Variants in UGT2B4 observed in about 807,000 individuals in gnomAD.
UGT2B4 encodes UDP-glucuronosyltransferase 2B4.
A neutral mutation model predicts 49.8 loss-of-function variants in UGT2B4; 49 were observed. That is an observed-to-expected ratio of 0.98 (90% confidence interval 0.78 to 1.25). UGT2B4 has a LOEUF of 1.25. UGT2B4 is among the 50% of genes most tolerant of loss of function. The probability of loss-of-function intolerance (pLI) is 0.00; values close to 1 mark genes in which losing one functional copy is unlikely to be tolerated. For missense variants in UGT2B4, 729 were observed against 627.7 expected, an observed-to-expected ratio of 1.16 and a Z score of -1.73; for synonymous variants, 246 against 217.7, an observed-to-expected ratio of 1.13 and a Z score of -1.14.
Position 69,489,647 on chromosome 4 carries a change from G to A in UGT2B4, c.871-77C>T, listed in dbSNP as rs1281976283. The A allele has an allele frequency of 5.9e-6, 9 of 1,530,880 alleles. No homozygotes were observed. In the East Asian group the frequency reaches 2.1e-4, roughly 35 times the overall value. 94.8% of individuals were successfully genotyped at this position (1,530,880 alleles called of 1,614,324 possible). On this transcript the variant is annotated intron_variant, in intron 2 of 5. Transcript: ENST00000305107. ...CACTGTGAAAGAATTGTTATAAAAA[G>A]AGAGAAAATCAAGTTTTATCAGGAA...
At chr4:69,496,153 T>C (rs1245343913), upstream of UGT2B4, among the ~76,000 whole-genome samples, 2 of 152,120 alleles carry the variant, frequency 1.3e-5, no homozygotes, top group Admixed American at 6.5e-5. Flanking sequence ...CCTGAGTAGC[T>C]GGGACTACAG....
intron 1 of UGT2B4, among the ~76,000 whole-genome samples, chr4:69,506,942 C>T (rs1246061120): frequency 6.6e-6 from 1 of 152,090 alleles, no homozygotes. Flanking sequence ...ATAAATGTGA[C>T]TCTTCATATA....
chr4:69,495,753 T>C lies in UGT2B4; in HGVS notation c.109A>G (p.Met37Val), dbSNP rs752407533. 5 of 1,614,034 alleles carry C rather than the reference T, an allele frequency of 3.1e-6. No individual in the cohort carries two copies. Among genetic ancestry groups the C allele is most frequent in the Admixed American group, 1.7e-5 (1 of 60,010 alleles). Reference sequence around the variant, plus strand: ...TCATCCAGGATTGTCTTTATATTCATCCAGTGGCTGAATTCTGTGGGCCAC... The same window carrying C: ...TCATCCAGGATTGTCTTTATATTCACCCAGTGGCTGAATTCTGTGGGCCAC... ...LVWPTEFSHW[M>V]NIKTILDELV... The change falls in exon 1 of 6, where the codon ATG becomes GTG. Residue 37 changes from methionine (M) to valine (V), a missense_variant. Physicochemically the swap from Met to Val is conservative, Grantham distance 21. Coordinates refer to ENST00000305107, the MANE Select transcript of UGT2B4 (RefSeq NM_021139.3).
intron 1 of UGT2B4, among the ~76,000 whole-genome samples, chr4:69,502,166 CTT>C (rs1728356585): frequency 9.6e-6 from 1 of 104,194 alleles, no homozygotes; most frequent in South Asian, 3.4e-4. Flanking sequence ...TTTCTTTCTT[CTT>C]TCTTTTCTTC....
chr4:69,482,016 A>G (rs1391051755), intron 5 of UGT2B4, among the ~76,000 whole-genome samples: 1 of 152,198 alleles, frequency 6.6e-6, no homozygotes. Context: ...GCATTATCAG[A>G]CACTGGCAAG....
intron 1 of UGT2B4, among the ~76,000 whole-genome samples, chr4:69,511,614 T>C (rs1051218500): frequency 6.6e-6 from 1 of 152,142 alleles, no homozygotes; most frequent in Non-Finnish European, 1.5e-5. Flanking sequence ...TTTTTTATCT[T>C]CTTCTTCTCA....
intron 2 of UGT2B4, among the ~76,000 whole-genome samples, chr4:69,493,138 CT>C (rs1192125411): frequency 2.0e-5 from 3 of 151,890 alleles, no homozygotes; most frequent in African/African-American, 7.3e-5. Context: ...ACCTGCTTTT[CT>C]TTTTGTGTTT....
chr4:69,497,590 C>A (rs1206910852), upstream of UGT2B4, among the ~76,000 whole-genome samples: 1 of 152,140 alleles, frequency 6.6e-6, no homozygotes, highest in Non-Finnish European at 1.5e-5. Flanking sequence ...AGAAGTGGAA[C>A]TTGAAGACGT....
Position 69,489,545 on chromosome 4 carries a change from G to C in UGT2B4, c.896C>G (p.Ser299Cys), listed in dbSNP as rs747930986. The change falls in exon 3 of 6, where the codon TCT (serine) becomes TGT (cysteine). Residue 299 changes from serine to cysteine, a missense_variant. By Grantham distance (112) the Ser-to-Cys change is moderately radical. Coordinates refer to ENST00000305107, the MANE Select transcript of UGT2B4 (RefSeq NM_021139.3). Reference protein sequence around the residue: ...PKEMEEFVQSSGENGVVVFSL... With the variant: ...PKEMEEFVQSCGENGVVVFSL... ...AAACACCACAACACCATTTTCTCCA[G>C]AGCTCTGGACAAACTCTTCCATTTC... 3 of 1,610,438 alleles carry C rather than the reference G, an allele frequency of 1.9e-6. No homozygotes were observed. Among genetic ancestry groups the C allele is most frequent in the Admixed American group, 3.4e-5 (2 of 59,548 alleles).
chr4:69,482,053 A>G (rs1046715352), intron 5 of UGT2B4, among the ~76,000 whole-genome samples: 1 of 152,158 alleles, frequency 6.6e-6, no homozygotes, highest in Admixed American at 6.5e-5. Context: ...CATGCACACT[A>G]GGTCTTCTAG....
At chr4:69,505,836 C>T (rs1027739686) in intron 1 of UGT2B4, among the ~76,000 whole-genome samples, 11 of 152,032 alleles carry the variant, frequency 7.2e-5, no homozygotes, top group African/African-American at 1.9e-4. Context: ...TTAGAAAACA[C>T]GAAAGAATTG....
intron 2 of UGT2B4, among the ~76,000 whole-genome samples, chr4:69,493,114 G>A (rs908890688): frequency 6.6e-6 from 1 of 151,916 alleles, no homozygotes; most frequent in African/African-American, 2.4e-5. Context: ...CTTGAGAACT[G>A]TCCTGAACAC....
chr4:69,519,210 G>A (rs141647234), intron 1 of UGT2B4, among the ~76,000 whole-genome samples: 3 of 152,102 alleles, frequency 2.0e-5, no homozygotes, highest in African/African-American at 4.8e-5. Context: ...ACGGTCATAA[G>A]CTCAAGCTTT....
At chr4:69,520,050 A>AT (rs1200403586) in intron 1 of UGT2B4, among the ~76,000 whole-genome samples, 1 of 152,220 alleles carries the variant, frequency 6.6e-6, no homozygotes, top group Non-Finnish European at 1.5e-5. Flanking sequence ...ATAATAATAG[A>AT]TTTTTTAAAA....
At chr4:69,495,939 G>A (rs887317204), upstream of UGT2B4, 3 of 1,507,152 alleles carry the variant, frequency 2.0e-6, no homozygotes, top group African/African-American at 2.8e-5. Flanking sequence ...GTATAAATCA[G>A]TCAAGAAGTT....
chr4:69,498,567 T>C (rs754175703), upstream of UGT2B4, among the ~76,000 whole-genome samples: 1 of 151,884 alleles, frequency 6.6e-6, no homozygotes, highest in African/African-American at 2.4e-5. Flanking sequence ...GAACTTGTTA[T>C]AGGTCTCATC....
At chr4:69,522,303 G>A (rs1289352823) in intron 1 of UGT2B4, among the ~76,000 whole-genome samples, 4 of 152,032 alleles carry the variant, frequency 2.6e-5, no homozygotes, top group African/African-American at 9.7e-5. Flanking sequence ...AGAATAATAC[G>A]AATTATCAAT....
At chr4:69,498,961 T>C (rs1728233572), upstream of UGT2B4, among the ~76,000 whole-genome samples, 1 of 152,150 alleles carries the variant, frequency 6.6e-6, no homozygotes, top group South Asian at 2.1e-4. Flanking sequence ...GATATATGTG[T>C]CAATTTGAGG....
Position 69,489,499 on chromosome 4 carries a change from A to G in UGT2B4, c.942T>C (p.Ser314=). Residue 314 remains serine (S), a synonymous_variant, in exon 3 of 6, where the codon AGT becomes AGC. Coordinates refer to ENST00000305107, the MANE Select transcript of UGT2B4 (RefSeq NM_021139.3). ...VVVFSLGSMV[S]NTSEERANVI... ...CATTGGCCCTTTCTTCTGACGTGTT[A>G]CTGACCATCGACCCCAGAGAAAACA... 1 of 1,612,168 alleles carries G rather than the reference A, an allele frequency of 6.2e-7. No homozygotes were observed. Among genetic ancestry groups the G allele is most frequent in the African/African-American group, 1.3e-5 (1 of 74,928 alleles).
Sources: gnomAD v4.1 joint callset for allele counts (sites outside exome capture counted in the v4.1 genomes callset) on GRCh38, gnomAD v4.1.1 for gene constraint, MANE v1.5 for transcripts, NCBI Gene and HGNC (gene_info 2026-07-23, HGNC 2026-07-21) for gene names.